SLC10A7: variants seen among roughly 807,000 people sequenced by gnomAD.
SLC10A7 encodes the protein solute carrier family 10 member 7, also known as sodium/bile acid cotransporter 7.
A neutral mutation model predicts 43.2 loss-of-function variants in SLC10A7; 29 were observed. The observed-to-expected ratio is 0.67, with a 90% CI of 0.50 to 0.92. The LOEUF (loss-of-function observed/expected upper bound fraction) is 0.92. SLC10A7 is among the 40% of genes least tolerant of loss of function. The probability of loss-of-function intolerance (pLI) is 0.00; values close to 1 mark genes in which losing one functional copy is unlikely to be tolerated. For synonymous variants in SLC10A7, 152 were observed against 144.8 expected (o/e 1.05, Z -0.35); for missense variants, 295 against 403.2 (o/e 0.73, Z 2.30).
intron 5 of SLC10A7, among the ~76,000 whole-genome samples, chr4:146,407,733 T>C (rs1330761479): frequency 6.6e-5 from 10 of 152,232 alleles, no homozygotes; most frequent in Non-Finnish European, 1.5e-5. Context: ...CTGTTTTCTT[T>C]GGGACAACAA....
chr4:146,379,010 C>T (rs918294560), intron 5 of SLC10A7, among the ~76,000 whole-genome samples: 6 of 152,186 alleles, frequency 3.9e-5, no homozygotes, highest in African/African-American at 1.4e-4. Flanking sequence ...AGGGTATTGA[C>T]CCAAGCCCAG....
chr4:146,358,073 C>CAAAAA (rs57927989), intron 5 of SLC10A7, among the ~76,000 whole-genome samples: 378 of 134,074 alleles, frequency 2.8e-3, no homozygotes, highest in African/African-American at 9.4e-3. Context: ...AGCACCCCCA[C>CAAAAA]AAAAAAAAAA....
intron 2 of SLC10A7, among the ~76,000 whole-genome samples, chr4:146,515,399 G>A (rs1579392849): frequency 6.6e-6 from 1 of 152,146 alleles, no homozygotes; most frequent in Non-Finnish European, 1.5e-5. Context: ...ACAAATATTA[G>A]AACTCATATG....
At chr4:146,433,139 A>C (rs1358779419) in intron 5 of SLC10A7, among the ~76,000 whole-genome samples, 1 of 150,796 alleles carries the variant, frequency 6.6e-6, no homozygotes, top group Non-Finnish European at 1.5e-5. Context: ...TTTTTGCAAG[A>C]TATATAACAT....
Position 146,350,312 on chromosome 4 carries a change from C to G in SLC10A7, c.436-24316G>C, listed in dbSNP as rs1289739523. On this transcript the variant is annotated intron_variant, in intron 5 of 11. Transcript: ENST00000335472. The stretch of plus-strand genomic sequence containing the variant: ...TCGGGTCACTCCCACCCGAATATTG[C>G]GCTTTTCAGAACGGCTTAAAAAACG... Among the ~76,000 whole-genome samples, 28 of 151,766 alleles carry G rather than the reference C, an allele frequency of 1.8e-4. No homozygotes were observed. In the East Asian group the frequency reaches 5.5e-3, roughly 30 times the overall value.
intron 10 of SLC10A7, among the ~76,000 whole-genome samples, chr4:146,262,392 G>C (rs1426494159): frequency 6.6e-6 from 1 of 152,154 alleles, no homozygotes; most frequent in Non-Finnish European, 1.5e-5. Context: ...GAAACTTGGG[G>C]GTCATCTCAA....
At chr4:146,449,498 C>T (rs1560919269) in intron 4 of SLC10A7, among the ~76,000 whole-genome samples, 1 of 152,066 alleles carries the variant, frequency 6.6e-6, no homozygotes, top group Non-Finnish European at 1.5e-5. Context: ...CTAACCTGTC[C>T]AGCAAAAAGA....
intron 5 of SLC10A7, among the ~76,000 whole-genome samples, chr4:146,423,527 C>T (rs1228212498): frequency 6.6e-6 from 1 of 152,162 alleles, no homozygotes; most frequent in African/African-American, 2.4e-5. Flanking sequence ...TGCCTAGAGA[C>T]AGTCTTTGCC....
chr4:146,428,782 C>A (rs1448194015), intron 5 of SLC10A7, among the ~76,000 whole-genome samples: 1 of 152,068 alleles, frequency 6.6e-6, no homozygotes, highest in Admixed American at 6.5e-5. Flanking sequence ...TAAAAAAATA[C>A]TTTCCTTTAA....
chr4:146,425,754 G>A lies in SLC10A7; in HGVS notation c.435+17029C>T, dbSNP rs564519198. Among the ~76,000 whole-genome samples, 4 of 152,260 alleles carry A rather than the reference G, an allele frequency of 2.6e-5. No homozygotes were observed. In the East Asian group the frequency reaches 5.8e-4, roughly 22 times the overall value. On this transcript the variant is annotated intron_variant, in intron 5 of 11. Coordinates refer to ENST00000335472, the MANE Select transcript of SLC10A7 (RefSeq NM_001029998.6). The stretch of plus-strand genomic sequence containing the variant: ...AAACAAACCTAAAAGCAATGATTGA[G>A]AATACCTATCTAAGCACTACCTGGG...
At chr4:146,285,312 G>T (rs1729821904) in intron 9 of SLC10A7, among the ~76,000 whole-genome samples, 7 of 151,226 alleles carry the variant, frequency 4.6e-5, no homozygotes, top group Admixed American at 2.6e-4. Context: ...AGCTCTAAGG[G>T]TCTAAAGAAT....
At chr4:146,349,572 C>T (rs1459407245) in intron 5 of SLC10A7, among the ~76,000 whole-genome samples, 2 of 152,178 alleles carry the variant, frequency 1.3e-5, no homozygotes, top group Non-Finnish European at 2.9e-5. Context: ...ATGTTCACTG[C>T]ACCACTATTC....
chr4:146,353,327 A>G (rs1236258696), intron 5 of SLC10A7, among the ~76,000 whole-genome samples: 10 of 106,448 alleles, frequency 9.4e-5, no homozygotes, highest in Admixed American at 4.1e-4. Context: ...CTCTCCCAAG[A>G]CTAAACCAGG....
intron 7 of SLC10A7, among the ~76,000 whole-genome samples, chr4:146,299,417 GA>G (rs2111220560): frequency 6.6e-6 from 1 of 152,248 alleles, no homozygotes; most frequent in East Asian, 1.9e-4. Flanking sequence ...AAATAAACAA[GA>G]GGCAAAATAA....
chr4:146,414,791 A>T (rs932477619), intron 5 of SLC10A7, among the ~76,000 whole-genome samples: 1 of 152,084 alleles, frequency 6.6e-6, no homozygotes, highest in Non-Finnish European at 1.5e-5. Context: ...GACTTTTATA[A>T]AAACCTATGC....
intron 10 of SLC10A7, among the ~76,000 whole-genome samples, chr4:146,282,816 G>T (rs896555054): frequency 6.6e-6 from 1 of 152,092 alleles, no homozygotes; most frequent in Non-Finnish European, 1.5e-5. Context: ...TGGAAAATAA[G>T]TTAATCTTTT....
chr4:146,355,071 C>T (rs1360038795), intron 5 of SLC10A7, among the ~76,000 whole-genome samples: 5 of 145,334 alleles, frequency 3.4e-5, no homozygotes, highest in Admixed American at 6.9e-5. Context: ...TTCTGCAAAG[C>T]AAAAGAAACT....
intron 5 of SLC10A7, among the ~76,000 whole-genome samples, chr4:146,432,164 GACT>G (rs1729829242): frequency 1.3e-5 from 2 of 152,172 alleles, no homozygotes; most frequent in Admixed American, 1.3e-4. Context: ...GGAGTAACTG[GACT>G]ACTTATACAA....
chr4:146,407,542 C>T (rs977603893), intron 5 of SLC10A7, among the ~76,000 whole-genome samples: 1 of 152,148 alleles, frequency 6.6e-6, no homozygotes, highest in African/African-American at 2.4e-5. Flanking sequence ...CCCCACATTC[C>T]AGAAGTTTCA....
Sources: gnomAD v4.1 joint callset for allele counts (sites outside exome capture counted in the v4.1 genomes callset) on GRCh38, gnomAD v4.1.1 for gene constraint, MANE v1.5 for transcripts, NCBI Gene and HGNC (gene_info 2026-07-23, HGNC 2026-07-21) for gene names.